Variants in ZMYM5 observed in about 807,000 individuals in gnomAD.
The protein encoded by ZMYM5 is zinc finger MYM-type protein 5.
Under a neutral mutation model 61.8 loss-of-function variants are expected in ZMYM5, and 41 were observed. That is an observed-to-expected ratio of 0.66 (90% CI 0.52 to 0.86). ZMYM5 has a LOEUF of 0.86. ZMYM5 is among the 40% of genes least tolerant of loss of function. The pLI, the probability that ZMYM5 is intolerant of heterozygous loss-of-function variation, is 0.00. For synonymous variants in ZMYM5, 257 were observed against 276.4 expected (o/e 0.93, Z 0.70); for missense variants, 706 against 786.7 (o/e 0.90, Z 1.23).
chr13:19,844,605 G>T (rs2138571899), intron 4 of ZMYM5, among the ~76,000 whole-genome samples: 1 of 152,258 alleles, frequency 6.6e-6, no homozygotes, highest in South Asian at 2.1e-4. Context: ...CTGTTAAGGA[G>T]TGTTTACAGT....
chr13:19,825,257 A>T (rs1017374307), intron 7 of ZMYM5, 22 bp from the exon 8 acceptor site: 1 of 1,223,782 alleles, frequency 8.2e-7, no homozygotes, highest in African/African-American at 1.6e-5. Context: ...GAGGATTATA[A>T]TTTTATTTTA....
At position 19,851,992 on chromosome 13, in the gene ZMYM5, A is replaced by C. The variant is rs1237398468; in HGVS notation, c.189T>G (p.Ile63Met). 2 of 1,614,034 alleles carry C rather than the reference A, an allele frequency of 1.2e-6. No homozygotes were observed. Among genetic ancestry groups the C allele is most frequent in the Non-Finnish European group, 1.7e-6 (2 of 1,180,014 alleles). The stretch of plus-strand genomic sequence containing the variant: ...AAATTGAAGGAGGTTGTATAGATTC[A>C]ATAAACACAACATCATCATCATCAT... ...DDDDDDDVVF[I>M]ESIQPPSISA... The change falls in exon 3 of 8, where the codon ATT becomes ATG. Residue 63 changes from isoleucine to methionine, a missense_variant. By Grantham distance (10) the Ile-to-Met change is conservative. Transcript: ENST00000337963.
chr13:19,837,323 G>C, intron 6 of ZMYM5: 1 of 910,034 alleles, frequency 1.1e-6, no homozygotes, highest in South Asian at 2.0e-5. Context: ...CCGGCCCCAA[G>C]GGGTAGTTTT....
intron 2 of ZMYM5, among the ~76,000 whole-genome samples, chr13:19,858,358 G>A (rs1953587104): frequency 6.6e-6 from 1 of 152,050 alleles, no homozygotes; most frequent in Non-Finnish European, 1.5e-5. Flanking sequence ...GCCTAGGCAG[G>A]TGGATCGCTT....
intron 7 of ZMYM5, among the ~76,000 whole-genome samples, chr13:19,834,848 C>T (rs1244041342): frequency 3.3e-5 from 5 of 152,064 alleles, no homozygotes; most frequent in Non-Finnish European, 7.4e-5. Context: ...ACCAACTCGC[C>T]TGGCTAATTT....
chr13:19,860,549 T>A (rs1423826227), intron 2 of ZMYM5, among the ~76,000 whole-genome samples: 2 of 151,366 alleles, frequency 1.3e-5, no homozygotes, highest in African/African-American at 4.9e-5. Flanking sequence ...GTGATCTGCC[T>A]GCCTTGGCCT....
Position 19,823,905 on chromosome 13 carries a change from C to T in ZMYM5, c.*572G>A, listed in dbSNP as rs914883063. 1.3e-5 allele frequency: 2 copies of T among 152,394 alleles called. No individual in the cohort carries two copies. Among genetic ancestry groups the T allele is most frequent in the Non-Finnish European group, 2.9e-5 (2 of 68,204 alleles). The allele number at this position is 152,394 out of a possible 1,614,324, so 9.4% of individuals were successfully genotyped here. A position where few individuals can be genotyped will look rare whatever the true frequency, so the allele number is the denominator to read the frequency against. ...TCAGGCTGGACTGCAGTGGTGCAAT[C>T]TCAGCTCACTGCAACCTCTGCCTCC... On this transcript the variant is annotated 3_prime_UTR_variant, in exon 8 of 8. Transcript: ENST00000337963.
intron 4 of ZMYM5, among the ~76,000 whole-genome samples, chr13:19,845,745 C>T (rs1953053121): frequency 6.6e-6 from 1 of 152,192 alleles, no homozygotes; most frequent in African/African-American, 2.4e-5. Flanking sequence ...AAGGCAAGGT[C>T]TGGGAGGGTC....
At chr13:19,839,944 A>G (rs1952808418) in intron 4 of ZMYM5, among the ~76,000 whole-genome samples, 1 of 152,226 alleles carries the variant, frequency 6.6e-6, no homozygotes, top group African/African-American at 2.4e-5. Context: ...CAAAAGGTAC[A>G]GTATTACTTA....
intron 2 of ZMYM5, among the ~76,000 whole-genome samples, chr13:19,861,714 G>C (rs1953769129): frequency 1.3e-5 from 2 of 149,828 alleles, no homozygotes; most frequent in Admixed American, 1.3e-4. Flanking sequence ...GCTTGTTAAA[G>C]AAAAAAAAAT....
Position 19,856,517 on chromosome 13 carries a change from G to A in ZMYM5, c.-10-4327C>T, listed in dbSNP as rs745362908. Among the ~76,000 whole-genome samples, 11 of 151,926 alleles carry A rather than the reference G, an allele frequency of 7.2e-5. 1 individual carries two copies. The highest frequency in any genetic ancestry group is 9.7e-5 in the African/African-American group (4 of 41,338). On this transcript the variant is annotated intron_variant, in intron 2 of 7. Coordinates refer to ENST00000337963, the MANE Select transcript of ZMYM5 (RefSeq NM_001142684.2). ...TAGCCAAGCGTGGTGATGCATGCCC[G>A]TAATCCCAGCTACTCAGGAGGCTGA...
At chr13:19,854,357 G>A (rs1593912674) in intron 2 of ZMYM5, among the ~76,000 whole-genome samples, 1 of 152,132 alleles carries the variant, frequency 6.6e-6, no homozygotes, top group African/African-American at 2.4e-5. Flanking sequence ...GGGCGTGGTG[G>A]CTCACACCTG....
intron 6 of ZMYM5, among the ~76,000 whole-genome samples, chr13:19,836,251 A>G (rs1412906304): frequency 6.6e-6 from 1 of 151,922 alleles, no homozygotes; most frequent in African/African-American, 2.4e-5. Flanking sequence ...AAGACATTTA[A>G]TAACAACAGA....
At chr13:19,832,009 C>T (rs1034901825) in intron 7 of ZMYM5, among the ~76,000 whole-genome samples, 2 of 150,878 alleles carry the variant, frequency 1.3e-5, no homozygotes, top group Non-Finnish European at 3.0e-5. Context: ...GTGTTCACCA[C>T]CACGGCCTGG....
chr13:19,844,590 A>G (rs2138571815), intron 4 of ZMYM5, among the ~76,000 whole-genome samples: 1 of 152,294 alleles, frequency 6.6e-6, no homozygotes, highest in South Asian at 2.1e-4. Context: ...AAGTAATAAC[A>G]CCTACTGTTA....
At chr13:19,850,556 A>G (rs1234179741) in intron 4 of ZMYM5, among the ~76,000 whole-genome samples, 1 of 152,088 alleles carries the variant, frequency 6.6e-6, no homozygotes, top group East Asian at 1.9e-4. Context: ...AGCCGAGATG[A>G]CGCCATTGCA....
At chr13:19,832,408 C>A (rs1043106716) in intron 7 of ZMYM5, among the ~76,000 whole-genome samples, 2 of 151,758 alleles carry the variant, frequency 1.3e-5, no homozygotes, top group East Asian at 1.9e-4. Context: ...CCCACTGCAA[C>A]CTCCACCTCC....
chr13:19,854,784 T>C (rs188585172), intron 2 of ZMYM5, among the ~76,000 whole-genome samples: 288 of 152,226 alleles, frequency 1.9e-3, no homozygotes, highest in Non-Finnish European at 3.4e-3. Flanking sequence ...ATTTTGCCAA[T>C]TAGGAAATTA....
chr13:19,842,986 A>T (rs1013279572), intron 4 of ZMYM5, among the ~76,000 whole-genome samples: 6 of 112,466 alleles, frequency 5.3e-5, no homozygotes, highest in Non-Finnish European at 9.7e-5. Flanking sequence ...AAAAAAAAAA[A>T]GTTTTTTTAC....
Sources: allele counts gnomAD v4.1 joint callset (sites outside exome capture counted in the v4.1 genomes callset), GRCh38; gene constraint gnomAD v4.1.1; transcripts MANE v1.5; gene names NCBI Gene and HGNC (gene_info 2026-07-23, HGNC 2026-07-21).